The following FCHSD2 variants were observed in gnomAD, a reference collection of about 807,000 sequenced individuals.
FCHSD2 encodes F-BAR and double SH3 domains protein 2.
In FCHSD2, 38 loss-of-function variants were observed where a neutral mutation model predicts 108.1. The ratio of observed to expected loss-of-function variants is 0.35; its 90% CI spans 0.27 to 0.46. FCHSD2 has a LOEUF of 0.46. Ranked by LOEUF, FCHSD2 falls within the 20% of genes least tolerant of loss-of-function variation. The probability of loss-of-function intolerance (pLI) is 1.00; values close to 1 mark genes in which losing one functional copy is unlikely to be tolerated. For synonymous variants in FCHSD2, 279 were observed against 314.7 expected, an observed-to-expected ratio of 0.89 and a Z score of 1.20; for missense variants, 751 against 897.8, an observed-to-expected ratio of 0.84 and a Z score of 2.09.
At chr11:72,904,095 G>A (rs1008331346) in intron 9 of FCHSD2, among the ~76,000 whole-genome samples, 7 of 152,172 alleles carry the variant, frequency 4.6e-5, no homozygotes, top group African/African-American at 1.7e-4. Context: ...AAGAGAACAA[G>A]GTGATATTTA....
In FCHSD2 at chr11:72,843,181, C is replaced by T. The variant is rs762002880; in HGVS notation, c.1675G>A (p.Val559Ile). The change falls in exon 16 of 20, where the codon GTT becomes ATT. Residue 559 changes from valine to isoleucine, a missense_variant. Transcript: ENST00000409418. ...GCATCTCCGTTGAGGCTGCCTGAAACGAGTTCTGCTTCCGTGGAATTGCTG... is the reference window on the plus strand; with the variant it reads ...GCATCTCCGTTGAGGCTGCCTGAAATGAGTTCTGCTTCCGTGGAATTGCTG... ...TSSNSTEAEL[V>I]SGSLNGDASV... 45 of 1,613,854 alleles carry T rather than the reference C, an allele frequency of 2.8e-5. No individual in the cohort carries two copies. The African/African-American group carries it at 4.1e-4, about 15-fold the overall frequency.
rs1860362560 is a variant in FCHSD2, at chr11:73,107,064, G to C, written c.120-23324C>G. Among the ~76,000 whole-genome samples, 3 of 152,066 alleles carry C rather than the reference G, an allele frequency of 2.0e-5. No individual in the cohort carries two copies. In the East Asian group the frequency reaches 5.8e-4, roughly 29 times the overall value. On this transcript the variant is annotated intron_variant, in intron 2 of 19. Transcript: ENST00000409418. ...ATATATATATATATTTTTAAATGGAGTCTCACTCTGTCACCAGGCTGCAGT... is the reference window on the plus strand; with the variant it reads ...ATATATATATATATTTTTAAATGGACTCTCACTCTGTCACCAGGCTGCAGT...
intron 8 of FCHSD2, among the ~76,000 whole-genome samples, chr11:72,955,046 T>C (rs1856687036): frequency 2.6e-5 from 4 of 152,206 alleles, no homozygotes; most frequent in African/African-American, 7.2e-5. Context: ...CCCTGGCAGA[T>C]ACCAGCTGGA....
intron 14 of FCHSD2, among the ~76,000 whole-genome samples, chr11:72,845,437 CAA>C (rs755929012): frequency 9.8e-5 from 8 of 81,956 alleles, no homozygotes; most frequent in East Asian, 3.6e-4. Context: ...GACCCTGTCT[CAA>C]AAAAAAAAAA....
At chr11:73,101,007 C>T (rs892205631) in intron 2 of FCHSD2, among the ~76,000 whole-genome samples, 2 of 152,048 alleles carry the variant, frequency 1.3e-5, no homozygotes, top group Non-Finnish European at 2.9e-5. Flanking sequence ...ATTTTGCATG[C>T]CCAAAATGTG....
chr11:72,978,779 G>A (rs547086209), intron 8 of FCHSD2, among the ~76,000 whole-genome samples: 4 of 151,442 alleles, frequency 2.6e-5, no homozygotes, highest in African/African-American at 9.7e-5. Flanking sequence ...GTTTCCTGAG[G>A]CCTCCCCAGC....
intron 3 of FCHSD2, among the ~76,000 whole-genome samples, chr11:73,068,885 T>C (rs1325127158): frequency 6.7e-6 from 1 of 148,756 alleles, no homozygotes; most frequent in Non-Finnish European, 1.5e-5. Flanking sequence ...TGTGGTGGCA[T>C]GTGCCTGTAG....
chr11:72,937,858 G>C (rs1352734497), intron 8 of FCHSD2, among the ~76,000 whole-genome samples: 1 of 152,186 alleles, frequency 6.6e-6, no homozygotes, highest in Non-Finnish European at 1.5e-5. Context: ...ATGTCTGAGT[G>C]CACCCAGTTA....
intron 8 of FCHSD2, among the ~76,000 whole-genome samples, chr11:72,944,061 C>T (rs1378253656): frequency 6.6e-6 from 1 of 152,152 alleles, no homozygotes; most frequent in Non-Finnish European, 1.5e-5. Context: ...AGGCCAGCAT[C>T]ATCCTGATAC....
chr11:73,053,388 G>A (rs1858948113), intron 3 of FCHSD2, among the ~76,000 whole-genome samples: 1 of 152,008 alleles, frequency 6.6e-6, no homozygotes, highest in South Asian at 2.1e-4. Context: ...ACTAATGAAA[G>A]ATAGAAAATG....
chr11:72,849,315 A>G (rs943195007), intron 14 of FCHSD2, among the ~76,000 whole-genome samples: 2 of 152,262 alleles, frequency 1.3e-5, no homozygotes, highest in Non-Finnish European at 2.9e-5. Context: ...CAAGGTACAC[A>G]TACACAGACA....
At chr11:73,013,261 C>A (rs1300313308) in intron 4 of FCHSD2, among the ~76,000 whole-genome samples, 1 of 152,176 alleles carries the variant, frequency 6.6e-6, no homozygotes, top group Non-Finnish European at 1.5e-5. Context: ...TCTCATGCTC[C>A]ATGCCTGGAA....
intron 8 of FCHSD2, among the ~76,000 whole-genome samples, chr11:72,937,040 T>G (rs11607217): frequency 0.017 from 2,518 of 152,314 alleles, 29 homozygotes; most frequent in Non-Finnish European, 0.027. Context: ...ATAGCAGATT[T>G]CTGCTCATCA....
chr11:72,842,303 C>T lies in FCHSD2; in HGVS notation c.1926+318G>A, dbSNP rs376985892. ...ACTACGTAAATTAACCACAGAGCAA[C>T]GCCTTCCCTCTTCGGTTTGTTTCTT... On this transcript the variant is annotated intron_variant, in intron 17 of 19. Coordinates refer to ENST00000409418, the MANE Select transcript of FCHSD2 (RefSeq NM_014824.3). 3.0e-4 allele frequency among the ~76,000 whole-genome samples: 46 copies of T among 152,356 alleles called. No homozygotes were observed. The South Asian group carries it at 6.0e-3, about 20-fold the overall frequency.
intron 9 of FCHSD2, among the ~76,000 whole-genome samples, chr11:72,919,552 A>C (rs567606445): frequency 5.9e-5 from 9 of 152,302 alleles, no homozygotes; most frequent in Admixed American, 5.9e-4. Context: ...CCTCCATATA[A>C]AATGAACATG....
Position 72,952,839 on chromosome 11 carries a change from T to A in FCHSD2, c.706-30889A>T, listed in dbSNP as rs771572279. ...TATTTCCACAGGTGAAGAAACAGGA[T>A]CTTACAGTTTAAGATATATAATAAA... On this transcript the variant is annotated intron_variant, in intron 8 of 19. Coordinates refer to ENST00000409418, the MANE Select transcript of FCHSD2 (RefSeq NM_014824.3). 1.8e-4 allele frequency among the ~76,000 whole-genome samples: 27 copies of A among 152,262 alleles called. No individual in the cohort carries two copies. The East Asian group carries it at 3.3e-3, about 19-fold the overall frequency.
intron 9 of FCHSD2, among the ~76,000 whole-genome samples, chr11:72,919,471 A>C (rs1482857862): frequency 6.6e-6 from 1 of 152,190 alleles, no homozygotes; most frequent in African/African-American, 2.4e-5. Flanking sequence ...AATATAGTAG[A>C]AGATCATGGA....
chr11:73,104,127 C>T (rs1246080516), intron 2 of FCHSD2, among the ~76,000 whole-genome samples: 4 of 152,238 alleles, frequency 2.6e-5, no homozygotes, highest in Non-Finnish European at 5.9e-5. Flanking sequence ...TGGCGGCTAA[C>T]AGTGTAATTC....
intron 2 of FCHSD2, among the ~76,000 whole-genome samples, chr11:73,099,134 G>C (rs567983893): frequency 4.6e-5 from 7 of 152,050 alleles, no homozygotes; most frequent in Non-Finnish European, 7.4e-5. Flanking sequence ...AAGAATCACC[G>C]AGCCCAGGCG....
Sources: allele counts gnomAD v4.1 joint callset (sites outside exome capture counted in the v4.1 genomes callset), GRCh38; gene constraint gnomAD v4.1.1; transcripts MANE v1.5; gene names NCBI Gene and HGNC (gene_info 2026-07-23, HGNC 2026-07-21).